Variants in CCDC12 observed in about 807,000 individuals in gnomAD.
CCDC12 encodes the protein coiled-coil domain-containing protein 12.
Under a neutral mutation model 25.7 loss-of-function variants are expected in CCDC12, and 28 were observed. The ratio of observed to expected loss-of-function variants is 1.09; its 90% CI spans 0.81 to 1.50. The LOEUF is 1.50. CCDC12 is among the 40% of genes most tolerant of loss of function. The probability of loss-of-function intolerance (pLI) is 0.00; values close to 1 mark genes in which losing one functional copy is unlikely to be tolerated. For synonymous variants in CCDC12, 75 were observed against 87.7 expected (o/e 0.86, Z 0.81); for missense variants, 198 against 210.0 (o/e 0.94, Z 0.35).
At chr3:46,937,618 G>C (rs1042057960) in intron 2 of CCDC12, among the ~76,000 whole-genome samples, 2 of 152,222 alleles carry the variant, frequency 1.3e-5, no homozygotes, top group African/African-American at 4.8e-5. Flanking sequence ...GGCCTAGGGG[G>C]TTCTCTGGAA....
At chr3:46,934,560 T>C (rs2033365545) in intron 2 of CCDC12, among the ~76,000 whole-genome samples, 1 of 152,156 alleles carries the variant, frequency 6.6e-6, no homozygotes, top group Non-Finnish European at 1.5e-5. Flanking sequence ...GATCAGGACA[T>C]ACAAGATATC....
At chr3:46,971,767 G>C (rs1271675433) in intron 1 of CCDC12, among the ~76,000 whole-genome samples, 2 of 152,214 alleles carry the variant, frequency 1.3e-5, no homozygotes, top group Non-Finnish European at 1.5e-5. Context: ...CTGCCACTGA[G>C]TGCTAGGAAA....
chr3:46,944,051 A>C (rs1373105246), intron 1 of CCDC12, among the ~76,000 whole-genome samples: 1 of 152,178 alleles, frequency 6.6e-6, no homozygotes, highest in African/African-American at 2.4e-5. Context: ...GGGATAGTGG[A>C]GGGAAGCGCA....
At chr3:46,956,699 T>C (rs1252932222) in intron 1 of CCDC12, among the ~76,000 whole-genome samples, 2 of 152,122 alleles carry the variant, frequency 1.3e-5, no homozygotes, top group East Asian at 1.9e-4. Flanking sequence ...TGTGCACCTG[T>C]AGTCCCAGCT....
intron 2 of CCDC12, among the ~76,000 whole-genome samples, chr3:46,935,926 G>C (rs186705472): frequency 1.8e-4 from 28 of 152,318 alleles, no homozygotes; most frequent in Non-Finnish European, 2.8e-4. Flanking sequence ...TTTTCTAATA[G>C]ATATTAACAA....
rs77410984 is a variant in CCDC12, at chr3:46,922,457, C to A, written c.342-145G>T. 1,290 of 807,492 alleles carry A rather than the reference C, an allele frequency of 1.6e-3. 13 individuals are homozygous for A. In the African/African-American group the frequency reaches 0.02, roughly 12 times the overall value. 50.0% of individuals were successfully genotyped at this position (807,492 alleles called of 1,614,324 possible). A position where few individuals can be genotyped will look rare whatever the true frequency, so the allele number is the denominator to read the frequency against. On this transcript the variant is annotated intron_variant, in intron 5 of 6. Coordinates refer to ENST00000683445, the MANE Select transcript of CCDC12 (RefSeq NM_001277074.2). The stretch of plus-strand genomic sequence containing the variant: ...GCCCTGGGGAAGAGGCCAGGACATT[C>A]CCCTTCTGTACCCTCCGAAACCCAG...
chr3:46,963,896 A>C (rs1001674232), intron 1 of CCDC12, among the ~76,000 whole-genome samples: 4 of 152,322 alleles, frequency 2.6e-5, no homozygotes, highest in South Asian at 4.1e-4. Flanking sequence ...GGAAGTGAGG[A>C]GCATCTCTGC....
chr3:46,925,075 T>A (rs2032884446), intron 3 of CCDC12: 1 of 379,902 alleles, frequency 2.6e-6, no homozygotes, highest in African/African-American at 2.1e-5. Context: ...CTGGCCCCTG[T>A]CTCTGACCCA....
At chr3:46,941,283 C>G (rs4682842) in intron 1 of CCDC12, among the ~76,000 whole-genome samples, 55,545 of 152,084 alleles carry the variant, frequency 0.37, 10,862 homozygotes, top group Middle Eastern at 0.53. Context: ...TAACTCTTGG[C>G]TGGGCGCGGT....
upstream of CCDC12, among the ~76,000 whole-genome samples, chr3:46,978,647 G>A (rs1304089342): frequency 6.6e-6 from 1 of 151,966 alleles, no homozygotes; most frequent in Non-Finnish European, 1.5e-5. Flanking sequence ...TGCTGCCCAA[G>A]TGGTCCTCAT....
At chr3:46,955,222 T>C (rs1039298001) in intron 1 of CCDC12, among the ~76,000 whole-genome samples, 1 of 143,298 alleles carries the variant, frequency 7.0e-6, no homozygotes, top group African/African-American at 2.6e-5. Flanking sequence ...CTGTTTTTCC[T>C]GAGGAAAATC....
upstream of CCDC12, chr3:46,979,875 A>T: frequency 2.1e-6 from 1 of 470,052 alleles, no homozygotes; most frequent in South Asian, 3.6e-5. Flanking sequence ...GCCGCCTCGG[A>T]GCGGCTGTAC....
intron 2 of CCDC12, among the ~76,000 whole-genome samples, chr3:46,930,883 T>A (rs551791620): frequency 7.8e-4 from 118 of 152,050 alleles, no homozygotes; most frequent in African/African-American, 2.8e-3. Flanking sequence ...CAGGCCCCAC[T>A]CCATGCACGT....
At chr3:46,950,993 C>A (rs949276298) in intron 1 of CCDC12, among the ~76,000 whole-genome samples, 1 of 152,132 alleles carries the variant, frequency 6.6e-6, no homozygotes, top group Non-Finnish European at 1.5e-5. Flanking sequence ...GTAATCCCAG[C>A]ATTTCGGGAG....
At chr3:46,951,798 A>AAAAAAAAAAAAAAAAAATATATATAT in intron 1 of CCDC12, among the ~76,000 whole-genome samples, 2 of 8,476 alleles carry the variant, frequency 2.4e-4, no homozygotes, top group Non-Finnish European at 2.8e-4. Flanking sequence ...AAAAAAAAAA[A>AAAAAAAAAAAAAAAAAATATATATAT]ATATATATAT....
At chr3:46,927,939 G>A (rs1263583666) in intron 2 of CCDC12, among the ~76,000 whole-genome samples, 1 of 152,188 alleles carries the variant, frequency 6.6e-6, no homozygotes, top group Non-Finnish European at 1.5e-5. Context: ...CTCTGGGAGA[G>A]GTCAAGGAGC....
intron 2 of CCDC12, among the ~76,000 whole-genome samples, chr3:46,930,966 A>G (rs1423074339): frequency 6.6e-6 from 1 of 152,248 alleles, no homozygotes; most frequent in Non-Finnish European, 1.5e-5. Flanking sequence ...GGAGGGGCTC[A>G]GCATACATTG....
chr3:46,981,152 GAC>G (rs1423470910), upstream of CCDC12, among the ~76,000 whole-genome samples: 1 of 152,122 alleles, frequency 6.6e-6, no homozygotes, highest in African/African-American at 2.4e-5. Flanking sequence ...CTGTAAAACT[GAC>G]ACAGCCCTGG....
At chr3:46,940,819 G>T (rs1425890891) in intron 2 of CCDC12, 179 bp downstream of exon 2, 1 of 633,910 alleles carries the variant, frequency 1.6e-6, no homozygotes. Flanking sequence ...GGCAGAGAAG[G>T]CCTCGACAAG....
Sources: allele counts gnomAD v4.1 joint callset (sites outside exome capture counted in the v4.1 genomes callset), GRCh38; gene constraint gnomAD v4.1.1; transcripts MANE v1.5; gene names NCBI Gene and HGNC (gene_info 2026-07-23, HGNC 2026-07-21).